COL7A1: variants seen among roughly 807,000 people sequenced by gnomAD.
COL7A1 encodes the protein collagen alpha-1(VII) chain.
A neutral mutation model predicts 456.2 loss-of-function variants in COL7A1; 296 were observed. The observed-to-expected ratio is 0.65, with a 90% CI of 0.59 to 0.71. The LOEUF (loss-of-function observed/expected upper bound fraction) is 0.71, where lower values mean the gene tolerates loss of function less well. Among genes scored for constraint, COL7A1 ranks in the 30% least tolerant of loss-of-function variants. COL7A1 has a pLI of 0.00. For synonymous variants in COL7A1, 1,464 were observed against 1,525.9 expected (o/e 0.96, Z 0.95); for missense variants, 3,441 against 4,017.2 (o/e 0.86, Z 3.88).
chr3:48,578,864 GT>G lies in COL7A1; in HGVS notation c.5424+54del. On this transcript the variant is annotated intron_variant, in intron 63 of 118. Transcript: ENST00000681320. The surrounding 1 kb of genome is among the most constrained non-coding windows in gnomAD (Gnocchi z 4.7). ...CGGATGCTGTGACTATGATGATCTG[GT>G]TGGAGCTTACGCAGCCCCGAGCCCC... 1 of 1,568,962 alleles carries G rather than the reference GT, an allele frequency of 6.4e-7. No individual in the cohort carries two copies. Among genetic ancestry groups the G allele is most frequent in the South Asian group, 1.2e-5 (1 of 86,472 alleles).
At position 48,583,396 on chromosome 3, in the gene COL7A1, G is replaced by A. The variant is rs2107725976; in HGVS notation, c.4434C>T (p.Pro1478=). The A allele has an allele frequency of 1.2e-6, 2 of 1,614,082 alleles. No individual in the cohort carries two copies. Among genetic ancestry groups the A allele is most frequent in the South Asian group, 1.1e-5 (1 of 91,078 alleles). ...GPRGPPGAIG[P]KGDRGFPGPL... ...GAATCCCCCAACTGGTACTCACTTT[G>A]GGGCCAATAGCTCCAGGAGGTCCCC... The change falls in exon 42 of 119, where the codon CCC becomes CCT. Residue 1478 remains proline, a synonymous_variant. Transcript: ENST00000681320. This position sits in a 1 kb window ranked among gnomAD's most constrained non-coding sequence, Gnocchi z 5.1.
chr3:48,583,784 G>A lies in COL7A1; in HGVS notation c.4279-4C>T, dbSNP rs759793762. On this transcript the variant is annotated splice_polypyrimidine_tract_variant and splice_region_variant and intron_variant, in intron 39 of 118. Transcript: ENST00000681320. This position sits in a 1 kb window ranked among gnomAD's most constrained non-coding sequence, Gnocchi z 5.1. ...GTCCAGGGCTTCCGGGAAGACCCTAGGAAGAAGTGAGTAAAAATATGAGCC... is the reference window on the plus strand; with the variant it reads ...GTCCAGGGCTTCCGGGAAGACCCTAAGAAGAAGTGAGTAAAAATATGAGCC... The A allele has an allele frequency of 5.0e-6, 8 of 1,613,692 alleles. No homozygotes were observed. The African/African-American group carries it at 9.3e-5, about 19-fold the overall frequency.
chr3:48,586,936 A>C lies in COL7A1; in HGVS notation c.3276+36T>G. ...GTATGGAGCCTGGGTGGGGGGCCTC[A>C]GGGAGAGGTAGAATCTGGCTGCCCC... On this transcript the variant is annotated intron_variant, in intron 25 of 118. Coordinates refer to ENST00000681320, the MANE Select transcript of COL7A1 (RefSeq NM_000094.4). This position sits in a 1 kb window ranked among gnomAD's most constrained non-coding sequence, Gnocchi z 5.1. 6.4e-7 allele frequency: 1 copy of C among 1,567,244 alleles called. No homozygotes were observed. Among genetic ancestry groups the C allele is most frequent in the Non-Finnish European group, 8.7e-7 (1 of 1,155,884 alleles).
Position 48,579,288 on chromosome 3 carries a change from T to TA in COL7A1, c.5308-12dup. ...GGGACCCCGGTCACCCTGTGGAAAA[T>TA]AGAGTGGTAAGAGGCCACCAAGGCT... On this transcript the variant is annotated splice_polypyrimidine_tract_variant and intron_variant, in intron 61 of 118. Coordinates refer to ENST00000681320, the MANE Select transcript of COL7A1 (RefSeq NM_000094.4). This position sits in a 1 kb window ranked among gnomAD's most constrained non-coding sequence, Gnocchi z 4.4. 1 of 1,613,870 alleles carries TA rather than the reference T, an allele frequency of 6.2e-7. No individual in the cohort carries two copies.
In COL7A1 at chr3:48,584,938, G is replaced by A. The variant is rs2045126090; in HGVS notation, c.3983C>T (p.Pro1328Leu). 1 of 1,613,842 alleles carries A rather than the reference G, an allele frequency of 6.2e-7. No individual in the cohort carries two copies. The highest frequency in any genetic ancestry group is 8.5e-7 in the Non-Finnish European group (1 of 1,180,012). Reference protein sequence around the residue: ...TPGAPGLKGSPGLPGPRGDPG... With the variant: ...TPGAPGLKGSLGLPGPRGDPG... ...GTCCCCACGAGGGCCAGGCAACCCT[G>A]GAGAGCCCTGCAAATGGAGGCCAGA... Residue 1328 changes from proline to leucine, a missense_variant, in exon 34 of 119, where the codon CCA becomes CTA. By Grantham distance (98) the Pro-to-Leu change is moderately conservative. Transcript: ENST00000681320.
In COL7A1 at chr3:48,586,266, CT is replaced by C. The variant is rs1479698050; in HGVS notation, c.3551-21del. 6.2e-7 allele frequency: 1 copy of C among 1,613,732 alleles called. No homozygotes were observed. ...TAAGCCCTAAGGTGGGGTCCAGTGG[CT>C]GCATGATAGCCTTTTCAGGGCCACC... On this transcript the variant is annotated intron_variant, in intron 27 of 118. Coordinates refer to ENST00000681320, the MANE Select transcript of COL7A1 (RefSeq NM_000094.4). This position sits in a 1 kb window ranked among gnomAD's most constrained non-coding sequence, Gnocchi z 5.1.
chr3:48,594,337 G>A lies in COL7A1; in HGVS notation c.266+31C>T, dbSNP rs1424987617. 8 of 1,605,056 alleles carry A rather than the reference G, an allele frequency of 5.0e-6. No individual in the cohort carries two copies. The highest frequency in any genetic ancestry group is 1.3e-5 in the African/African-American group (1 of 74,778). ...GGGAAGGAGTCTTGGTGGGGATCTCGTGGTCCCCAGCCCCCAGGGCCCCTA... is the reference window on the plus strand; with the variant it reads ...GGGAAGGAGTCTTGGTGGGGATCTCATGGTCCCCAGCCCCCAGGGCCCCTA... On this transcript the variant is annotated intron_variant, in intron 3 of 118. Coordinates refer to ENST00000681320, the MANE Select transcript of COL7A1 (RefSeq NM_000094.4). This position sits in a 1 kb window ranked among gnomAD's most constrained non-coding sequence, Gnocchi z 5.5.
At chr3:48,576,637 C>G in intron 68 of COL7A1, 39 bp downstream of exon 68, 1 of 1,592,524 alleles carries the variant, frequency 6.3e-7, no homozygotes, top group East Asian at 2.3e-5. Context: ...ATCATGGCTT[C>G]TAATGCTCTG....
chr3:48,581,632 C>A lies in COL7A1; in HGVS notation c.4723G>T (p.Gly1575Cys), dbSNP rs1419526946. Residue 1575 changes from glycine (G) to cysteine (C), a missense_variant and splice_region_variant, in exon 50 of 119, where the codon GGC becomes TGC. Physicochemically the swap from Gly to Cys is radical, Grantham distance 159. This residue lies in a region of COL7A1 where 2,084 missense variants were observed against 2,501.3 expected (regional missense o/e 0.83). Coordinates refer to ENST00000681320, the MANE Select transcript of COL7A1 (RefSeq NM_000094.4). The surrounding 1 kb of genome is among the most constrained non-coding windows in gnomAD (Gnocchi z 5.8). ...RGATGVQGER[G>C]PPGLVLPGDP... ...CCAGGAAGAACCAAGCCGGGTGGGCCCTGTGGATGGAAGGATAAGAAGTCA... is the reference window on the plus strand; with the variant it reads ...CCAGGAAGAACCAAGCCGGGTGGGCACTGTGGATGGAAGGATAAGAAGTCA... 18 of 1,614,162 alleles carry A rather than the reference C, an allele frequency of 1.1e-5. No individual in the cohort carries two copies. Among genetic ancestry groups the A allele is most frequent in the Non-Finnish European group, 1.5e-5 (18 of 1,180,036 alleles).
chr3:48,586,475 G>A lies in COL7A1; in HGVS notation c.3407C>T (p.Thr1136Ile), dbSNP rs755526345. 93 of 1,613,690 alleles carry A rather than the reference G, an allele frequency of 5.8e-5. No individual in the cohort carries two copies. Among genetic ancestry groups the A allele is most frequent in the Non-Finnish European group, 7.6e-5 (90 of 1,180,048 alleles). ...YMDPSGNNLG[T>I]AVVTAHRYML... The stretch of plus-strand genomic sequence containing the variant: ...GTATCTGTGAGCTGTGACCACGGCT[G>A]TGCCTGGAAGGAAGGACATGTCAGA... Residue 1136 changes from threonine to isoleucine, a missense_variant, in exon 27 of 119, where the codon ACA becomes ATA. By Grantham distance (89) the Thr-to-Ile change is moderately conservative (BLOSUM62 -1). Transcript: ENST00000681320. This position sits in a 1 kb window ranked among gnomAD's most constrained non-coding sequence, Gnocchi z 5.1.
Position 48,574,822 on chromosome 3 carries a change from C to T in COL7A1, c.6323G>A (p.Gly2108Glu), listed in dbSNP as rs1355300196. The T allele has an allele frequency of 1.2e-6, 2 of 1,613,884 alleles. No individual in the cohort carries two copies. The highest frequency in any genetic ancestry group is 1.7e-6 in the Non-Finnish European group (2 of 1,180,032). The change falls in exon 77 of 119, where the codon GGA becomes GAA. Residue 2108 changes from glycine to glutamate, a missense_variant. By Grantham distance (98) the Gly-to-Glu change is moderately conservative. Around this residue, in one of 3 missense-constraint regions of COL7A1, gnomAD observed 2,084 missense variants for 2,501.3 expected, o/e 0.83. Transcript: ENST00000681320. This position sits in a 1 kb window ranked among gnomAD's most constrained non-coding sequence, Gnocchi z 5.0. ...EPGPGLSGEQ[G>E]PPGLKGAKGE... ...CTTAGCACCCTTGAGTCCAGGGGGT[C>T]CCTGTTCTCCAGAGAGTCCAGGACC...
chr3:48,579,577 A>C lies in COL7A1; in HGVS notation c.5235+11T>G. On this transcript the variant is annotated intron_variant, in intron 59 of 118. Coordinates refer to ENST00000681320, the MANE Select transcript of COL7A1 (RefSeq NM_000094.4). This position sits in a 1 kb window ranked among gnomAD's most constrained non-coding sequence, Gnocchi z 4.4. ...CCCATGCCTGCACCCCCGAGGACCA[A>C]TCACACTCACCCTTTCCCCAGGGGC... 1 of 1,613,846 alleles carries C rather than the reference A, an allele frequency of 6.2e-7. No individual in the cohort carries two copies. The highest frequency in any genetic ancestry group is 8.5e-7 in the Non-Finnish European group (1 of 1,179,992).
chr3:48,594,305 C>T lies in COL7A1; in HGVS notation c.266+63G>A, dbSNP rs2045916331. On this transcript the variant is annotated intron_variant, in intron 3 of 118. Transcript: ENST00000681320. The surrounding 1 kb of genome is among the most constrained non-coding windows in gnomAD (Gnocchi z 5.5). ...GCCTGGGGTTTCCAGGGTCTCCTCC[C>T]TCTCTGGGGAAGGAGTCTTGGTGGG... 7.6e-6 allele frequency: 12 copies of T among 1,585,742 alleles called. No individual in the cohort carries two copies. Among genetic ancestry groups the T allele is most frequent in the Non-Finnish European group, 1.0e-5 (12 of 1,166,168 alleles).
chr3:48,574,074 C>T lies in COL7A1; in HGVS notation c.6502-184G>A, dbSNP rs1238194437. Among the ~76,000 whole-genome samples the T allele has an allele frequency of 1.3e-5, 2 of 152,006 alleles. No homozygotes were observed. The highest frequency in any genetic ancestry group is 2.9e-5 in the Non-Finnish European group (2 of 67,994). Reference sequence around the variant, plus strand: ...GGGCCTGCACACACACATCCACATACAACCACACACAGACACAGGCACACA... The same window carrying T: ...GGGCCTGCACACACACATCCACATATAACCACACACAGACACAGGCACACA... On this transcript the variant is annotated intron_variant, in intron 80 of 118. Transcript: ENST00000681320. This position sits in a 1 kb window ranked among gnomAD's most constrained non-coding sequence, Gnocchi z 5.0.
chr3:48,564,391 C>T lies in COL7A1; in HGVS notation c.*15G>A. On this transcript the variant is annotated 3_prime_UTR_variant, in exon 119 of 119. Coordinates refer to ENST00000681320, the MANE Select transcript of COL7A1 (RefSeq NM_000094.4). This position sits in a 1 kb window ranked among gnomAD's most constrained non-coding sequence, Gnocchi z 6.0. Reference sequence around the variant, plus strand: ...TCCTCCAGGGGATGCTGAATCTCAGCTCATTATCTGGGCCTCAGTCCTGGG... The same window carrying T: ...TCCTCCAGGGGATGCTGAATCTCAGTTCATTATCTGGGCCTCAGTCCTGGG... 2 of 1,614,082 alleles carry T rather than the reference C, an allele frequency of 1.2e-6. No homozygotes were observed. Among genetic ancestry groups the T allele is most frequent in the East Asian group, 2.2e-5 (1 of 44,884 alleles).
rs763339609 is a variant in COL7A1 at position 48,568,179 on chromosome 3, G to A, written c.7795-9C>T. ...TCCTTTCCTGGGGATCCCTAGCAGG[G>A]AGAGGGTCCATGTGAGGTCAGAGGA... On this transcript the variant is annotated splice_polypyrimidine_tract_variant and intron_variant, in intron 105 of 118. Coordinates refer to ENST00000681320, the MANE Select transcript of COL7A1 (RefSeq NM_000094.4). The surrounding 1 kb of genome is among the most constrained non-coding windows in gnomAD (Gnocchi z 5.2). The A allele has an allele frequency of 1.9e-6, 3 of 1,612,464 alleles. No individual in the cohort carries two copies. The highest frequency in any genetic ancestry group is 2.5e-6 in the Non-Finnish European group (3 of 1,179,998).
Position 48,592,026 on chromosome 3 carries a change from A to T in COL7A1, c.1241-12T>A. Reference sequence around the variant, plus strand: ...CTCAACAGAAGCGTCTGCCCAGGGCACATGGGATGTCAGTGGCCTCCGGGC... The same window carrying T: ...CTCAACAGAAGCGTCTGCCCAGGGCTCATGGGATGTCAGTGGCCTCCGGGC... On this transcript the variant is annotated splice_polypyrimidine_tract_variant and intron_variant, in intron 10 of 118. Coordinates refer to ENST00000681320, the MANE Select transcript of COL7A1 (RefSeq NM_000094.4). This position sits in a 1 kb window ranked among gnomAD's most constrained non-coding sequence, Gnocchi z 7.6. 6.2e-7 allele frequency: 1 copy of T among 1,614,188 alleles called. No homozygotes were observed. The highest frequency in any genetic ancestry group is 1.6e-4 in the Middle Eastern group (1 of 6,062).
In COL7A1 at chr3:48,587,312, A is replaced by T. The variant is rs1011285260; in HGVS notation, c.3017T>A (p.Leu1006His). 2 of 1,602,378 alleles carry T rather than the reference A, an allele frequency of 1.2e-6. No individual in the cohort carries two copies. The highest frequency in any genetic ancestry group is 3.4e-5 in the Admixed American group (2 of 58,412). The change falls in exon 24 of 119, where the codon CTT becomes CAT. Residue 1006 changes from leucine to histidine, a missense_variant. Physicochemically the swap from Leu to His is moderately conservative, Grantham distance 99 (BLOSUM62 -3). Coordinates refer to ENST00000681320, the MANE Select transcript of COL7A1 (RefSeq NM_000094.4). The surrounding 1 kb of genome is among the most constrained non-coding windows in gnomAD (Gnocchi z 6.1). ...GQEVPGSPQT[L>H]PGISSSQRVT... ...CCGCTGGGAGCTTGAGATCCCTGGA[A>T]GTGTCTGCGGGGACCCAGGCACTTC...
chr3:48,582,247 C>T (rs1021755544), intron 47 of COL7A1, 76 bp downstream of exon 47: 2 of 1,611,046 alleles, frequency 1.2e-6, no homozygotes, highest in Non-Finnish European at 1.7e-6. Context: ...GGAATCACAG[C>T]CCAGATAGTG....
Sources: gnomAD v4.1 joint callset for allele counts (sites outside exome capture counted in the v4.1 genomes callset) on GRCh38, gnomAD v4.1.1 for gene constraint, gnomAD v4.1.1 regional missense constraint, Gnocchi (gnomAD v3.1) non-coding constraint, MANE v1.5 for transcripts, NCBI Gene and HGNC (gene_info 2026-07-23, HGNC 2026-07-21) for gene names.